UBE2K: variants seen among roughly 807,000 people sequenced by gnomAD.
UBE2K encodes the protein ubiquitin conjugating enzyme E2 K, also known as ubiquitin-conjugating enzyme E2 K.
Under a neutral mutation model 30.0 loss-of-function variants are expected in UBE2K, and 6 were observed. That is an observed-to-expected ratio of 0.20 (90% confidence interval 0.11 to 0.39). The LOEUF is 0.39. Ranked by LOEUF, UBE2K falls within the 10% of genes least tolerant of loss-of-function variation. UBE2K has a pLI of 1.00. For missense variants in UBE2K, 61 were observed against 241.6 expected (o/e 0.25, Z 4.96); for synonymous variants, 86 against 83.7 (o/e 1.03, Z -0.15).
At chr4:39,715,797 G>A (rs1719026671) in intron 1 of UBE2K, among the ~76,000 whole-genome samples, 1 of 152,084 alleles carries the variant, frequency 6.6e-6, no homozygotes, top group Non-Finnish European at 1.5e-5. Flanking sequence ...CAGGTCACTG[G>A]TTGGCCTGAC....
Position 39,700,075 on chromosome 4 carries a change from C to G in UBE2K, c.63+1685C>G, listed in dbSNP as rs1365336866. Among the ~76,000 whole-genome samples the G allele has an allele frequency of 4.6e-5, 7 of 152,210 alleles. No homozygotes were observed. The East Asian group carries it at 1.3e-3, about 29-fold the overall frequency. ...TCTTGTTTAATAAGGTTGTACAAGCCTGAAACTTAATAGACTTTTAATGCT... is the reference window on the plus strand; with the variant it reads ...TCTTGTTTAATAAGGTTGTACAAGCGTGAAACTTAATAGACTTTTAATGCT... On this transcript the variant is annotated intron_variant, in intron 1 of 6. Transcript: ENST00000261427.
At chr4:39,703,144 C>T (rs1718129843) in intron 1 of UBE2K, among the ~76,000 whole-genome samples, 1 of 152,100 alleles carries the variant, frequency 6.6e-6, no homozygotes, top group Non-Finnish European at 1.5e-5. Flanking sequence ...GCGCCTACTA[C>T]CATGCCCGGT....
intron 1 of UBE2K, among the ~76,000 whole-genome samples, chr4:39,709,841 T>C (rs1362395610): frequency 6.6e-6 from 1 of 152,056 alleles, no homozygotes; most frequent in East Asian, 1.9e-4. Context: ...ATAGAGATAA[T>C]GGGATTATTT....
intron 4 of UBE2K, chr4:39,771,399 G>C: frequency 1.2e-6 from 2 of 1,611,338 alleles, no homozygotes; most frequent in Non-Finnish European, 1.7e-6. Context: ...CCTAGTGGCC[G>C]GGCAGCTGGA....
At chr4:39,757,992 A>G (rs1263485640) in intron 4 of UBE2K, among the ~76,000 whole-genome samples, 1 of 152,100 alleles carries the variant, frequency 6.6e-6, no homozygotes, top group Non-Finnish European at 1.5e-5. Context: ...CAAACTCACA[A>G]ATTATCTTCC....
chr4:39,764,708 A>G (rs1425390610), intron 4 of UBE2K, among the ~76,000 whole-genome samples: 1 of 152,034 alleles, frequency 6.6e-6, no homozygotes, highest in Non-Finnish European at 1.5e-5. Flanking sequence ...GATTATAGGC[A>G]TGAGCCACTG....
intron 1 of UBE2K, among the ~76,000 whole-genome samples, chr4:39,720,906 G>A (rs1390227262): frequency 3.9e-5 from 6 of 151,964 alleles, no homozygotes; most frequent in African/African-American, 7.3e-5. Context: ...ACTGTGCCCA[G>A]TTAATTATTT....
intron 1 of UBE2K, among the ~76,000 whole-genome samples, chr4:39,711,828 A>G (rs1718707276): frequency 6.6e-6 from 1 of 151,678 alleles, no homozygotes; most frequent in African/African-American, 2.4e-5. Flanking sequence ...ACCTGAGGTC[A>G]GGAGTTCCAG....
chr4:39,762,319 CCTGAAGTGCTAAGATTA>C lies in UBE2K; in HGVS notation c.299+6582_299+6598del, dbSNP rs1246672360. Among the ~76,000 whole-genome samples, 3 of 152,108 alleles carry C rather than the reference CCTGAAGTGCTAAGATTA, an allele frequency of 2.0e-5. No individual in the cohort carries two copies. In the East Asian group the frequency reaches 5.8e-4, roughly 29 times the overall value. On this transcript the variant is annotated intron_variant, in intron 4 of 6. Coordinates refer to ENST00000261427, the MANE Select transcript of UBE2K (RefSeq NM_005339.5). The stretch of plus-strand genomic sequence containing the variant: ...TCAAGTGATCCTTCCACCTTGGCCT[CCTGAAGTGCTAAGATTA>C]CAGACTTGACCCCCTACTCCTGGTC...
At chr4:39,762,532 CAG>C (rs1479419766) in intron 4 of UBE2K, among the ~76,000 whole-genome samples, 1 of 152,140 alleles carries the variant, frequency 6.6e-6, no homozygotes, top group African/African-American at 2.4e-5. Context: ...GGTGAGGCCT[CAG>C]GGAGCTTATG....
At position 39,725,263 on chromosome 4, in the gene UBE2K, C is replaced by A. The variant is rs1313563361; in HGVS notation, c.64-12157C>A. ...CCAGGCATGGTGTCATGCACCTGTA[C>A]TCACAGCTACTCAGGAGGCTGAGGT... On this transcript the variant is annotated intron_variant, in intron 1 of 6. Coordinates refer to ENST00000261427, the MANE Select transcript of UBE2K (RefSeq NM_005339.5). 4.6e-5 allele frequency among the ~76,000 whole-genome samples: 7 copies of A among 151,184 alleles called. No homozygotes were observed. The Admixed American group carries it at 4.7e-4, about 10-fold the overall frequency.
In UBE2K at chr4:39,745,792, C is replaced by T; in HGVS notation, c.198C>T (p.Tyr66=). 1 of 1,606,540 alleles carries T rather than the reference C, an allele frequency of 6.2e-7. No individual in the cohort carries two copies. Residue 66 remains tyrosine (Y), a synonymous_variant, in exon 3 of 7, where the codon TAC becomes TAT. Coordinates refer to ENST00000261427, the MANE Select transcript of UBE2K (RefSeq NM_005339.5). Reference sequence around the variant, plus strand: ...TAGAGATAAAAATACCAGAAACATACCCATTTAATCCCCCTAAGGTATTGT... The same window carrying T: ...TAGAGATAAAAATACCAGAAACATATCCATTTAATCCCCCTAAGGTATTGT... The part of the protein sequence containing the change: ...YQLEIKIPET[Y]PFNPPKVRFI...
intron 3 of UBE2K, among the ~76,000 whole-genome samples, chr4:39,752,437 C>T (rs183944238): frequency 0.011 from 1,691 of 150,048 alleles, 39 homozygotes; most frequent in African/African-American, 0.039. Flanking sequence ...CCCAGGTTCA[C>T]GCCATTCTCC....
intron 3 of UBE2K, among the ~76,000 whole-genome samples, chr4:39,751,655 A>G (rs117968895): frequency 0.079 from 11,992 of 152,116 alleles, 846 homozygotes; most frequent in South Asian, 0.22. Context: ...AGCCAAGGTG[A>G]CAGAGTAAGA....
At chr4:39,750,803 T>C (rs1721216276) in intron 3 of UBE2K, among the ~76,000 whole-genome samples, 3 of 151,600 alleles carry the variant, frequency 2.0e-5, no homozygotes, top group Admixed American at 1.3e-4. Flanking sequence ...TGGAGTACAG[T>C]GGCATGATCA....
At chr4:39,724,555 T>A (rs73240670) in intron 1 of UBE2K, among the ~76,000 whole-genome samples, 15,408 of 115,708 alleles carry the variant, frequency 0.13, 1,058 homozygotes, top group East Asian at 0.25. Flanking sequence ...AAAATCAGCC[T>A]GGGCAACATG....
chr4:39,778,701 G>T lies in UBE2K; in HGVS notation c.*267G>T, dbSNP rs2109420134. On this transcript the variant is annotated 3_prime_UTR_variant, in exon 7 of 7. Transcript: ENST00000261427. Reference sequence around the variant, plus strand: ...CCTGAGCTAAGCTAAAACCATGGAAGAAACATGCTACTTTAGTGTTTAGCA... The same window carrying T: ...CCTGAGCTAAGCTAAAACCATGGAATAAACATGCTACTTTAGTGTTTAGCA... 1 of 305,908 alleles carries T rather than the reference G, an allele frequency of 3.3e-6. No individual in the cohort carries two copies. The highest frequency in any genetic ancestry group is 2.2e-5 in the African/African-American group (1 of 46,318). The allele number at this position is 305,908 out of a possible 1,614,324, so 18.9% of individuals were successfully genotyped here. A position where few individuals can be genotyped will look rare whatever the true frequency, so the allele number is the denominator to read the frequency against.
chr4:39,698,216 T>A lies in UBE2K; in HGVS notation c.-112T>A. The A allele has an allele frequency of 9.7e-7, 1 of 1,030,270 alleles. No homozygotes were observed. The highest frequency in any genetic ancestry group is 1.5e-6 in the Non-Finnish European group (1 of 672,290). The allele number at this position is 1,030,270 out of a possible 1,614,324, so 63.8% of individuals were successfully genotyped here. ...CGGGGTGGTAGTGGCAGTGTTCGTG[T>A]GCTCAGGTCTGAATCGCCGAGGGAG... On this transcript the variant is annotated 5_prime_UTR_variant, in exon 1 of 7. Coordinates refer to ENST00000261427, the MANE Select transcript of UBE2K (RefSeq NM_005339.5).
At chr4:39,745,655 G>A in intron 2 of UBE2K, 97 bp from the exon 3 acceptor site, 5 of 739,622 alleles carry the variant, frequency 6.8e-6, no homozygotes, top group Non-Finnish European at 8.8e-6. Flanking sequence ...TTTTATAATT[G>A]AATATAAAAT....
Sources: allele counts gnomAD v4.1 joint callset (sites outside exome capture counted in the v4.1 genomes callset), GRCh38; gene constraint gnomAD v4.1.1; transcripts MANE v1.5; gene names NCBI Gene and HGNC (gene_info 2026-07-23, HGNC 2026-07-21).